The following SYT1 variants were observed in gnomAD, a reference collection of about 807,000 sequenced individuals.
SYT1 encodes the protein synaptotagmin-1.
In SYT1, 8 loss-of-function variants were observed where a neutral mutation model predicts 44.8. The ratio of observed to expected loss-of-function variants is 0.18; its 90% CI spans 0.10 to 0.32. The LOEUF (loss-of-function observed/expected upper bound fraction) is 0.32, where lower values mean the gene tolerates loss of function less well. Ranked by LOEUF, SYT1 falls within the 10% of genes least tolerant of loss-of-function variation. The pLI, the probability that SYT1 is intolerant of heterozygous loss-of-function variation, is 1.00. For missense variants in SYT1, 286 were observed against 509.3 expected (o/e 0.56, Z 4.22); for synonymous variants, 154 against 188.8 (o/e 0.82, Z 1.51).
intron 3 of SYT1, among the ~76,000 whole-genome samples, chr12:79,117,221 C>A (rs1427938460): frequency 6.6e-6 from 1 of 152,058 alleles, no homozygotes; most frequent in Non-Finnish European, 1.5e-5. Context: ...TGTAAAAGGT[C>A]TGTTTACATT....
chr12:79,238,506 A>T (rs1189640876), intron 4 of SYT1, among the ~76,000 whole-genome samples: 2 of 152,210 alleles, frequency 1.3e-5, no homozygotes, highest in Non-Finnish European at 2.9e-5. Flanking sequence ...GAAGTTAAGA[A>T]GTGAGGAAAC....
intron 3 of SYT1, among the ~76,000 whole-genome samples, chr12:79,142,669 A>G (rs1032397143): frequency 2.6e-5 from 4 of 152,238 alleles, no homozygotes; most frequent in Non-Finnish European, 4.4e-5. Flanking sequence ...AATGAGGAGA[A>G]ATAAACTCTA....
chr12:78,934,128 GTA>G (rs1373423528), intron 1 of SYT1, among the ~76,000 whole-genome samples: 2 of 151,070 alleles, frequency 1.3e-5, no homozygotes, highest in African/African-American at 4.9e-5. Context: ...ATATGTGTGT[GTA>G]TATATGTGTG....
chr12:79,280,190 T>C, intron 4 of SYT1, among the ~76,000 whole-genome samples: 1 of 151,448 alleles, frequency 6.6e-6, no homozygotes, highest in East Asian at 1.9e-4. Context: ...GCCTAAGCAA[T>C]CCTAAACAAA....
intron 3 of SYT1, among the ~76,000 whole-genome samples, chr12:79,103,311 G>A (rs1480678872): frequency 6.6e-6 from 1 of 151,894 alleles, no homozygotes; most frequent in Non-Finnish European, 1.5e-5. Context: ...CCTTATCTTT[G>A]GGCTTTGCAT....
At chr12:79,171,162 T>C (rs1342741213) in intron 3 of SYT1, among the ~76,000 whole-genome samples, 1 of 152,086 alleles carries the variant, frequency 6.6e-6, no homozygotes, top group African/African-American at 2.4e-5. Context: ...TAGGGTTGCA[T>C]TGGCTATTTG....
intron 9 of SYT1, among the ~76,000 whole-genome samples, chr12:79,381,294 C>A (rs540514073): frequency 6.6e-6 from 1 of 152,240 alleles, no homozygotes; most frequent in Non-Finnish European, 1.5e-5. Flanking sequence ...AACTGTACAC[C>A]TAAACTTTGT....
chr12:79,271,262 A>AT (rs1205684805), intron 4 of SYT1, among the ~76,000 whole-genome samples: 4 of 152,160 alleles, frequency 2.6e-5, no homozygotes, highest in Non-Finnish European at 5.9e-5. Flanking sequence ...TAAGTAAATA[A>AT]TTTTTTAAAA....
chr12:79,016,478 T>C lies in SYT1; in HGVS notation c.-83-30819T>C, dbSNP rs190094461. On this transcript the variant is annotated intron_variant, in intron 2 of 10. Coordinates refer to ENST00000261205, the MANE Select transcript of SYT1 (RefSeq NM_005639.3). ...ACATTGTTGCATTGTTATTTATAAA[T>C]TGGGGAGGGAGAGCAACTTAAACTA... Among the ~76,000 whole-genome samples, 7 of 152,270 alleles carry C rather than the reference T, an allele frequency of 4.6e-5. 1 individual carries two copies. Among genetic ancestry groups the C allele is most frequent in the East Asian group, 3.9e-4 (2 of 5,180 alleles).
At chr12:78,889,691 T>C (rs1874941929) in intron 1 of SYT1, among the ~76,000 whole-genome samples, 1 of 151,914 alleles carries the variant, frequency 6.6e-6, no homozygotes. Flanking sequence ...TTATTGAACA[T>C]GTGAGATATT....
At chr12:79,027,813 A>G (rs1872622369) in intron 2 of SYT1, among the ~76,000 whole-genome samples, 1 of 151,614 alleles carries the variant, frequency 6.6e-6, no homozygotes. Context: ...ATAGCACCAC[A>G]TCAATTATCT....
intron 1 of SYT1, among the ~76,000 whole-genome samples, chr12:78,969,605 G>T (rs533778219): frequency 3.4e-4 from 52 of 152,160 alleles, no homozygotes; most frequent in Non-Finnish European, 5.9e-4. Context: ...GGAAGGAGTA[G>T]CTTGGATTGG....
chr12:78,958,881 C>CT (rs146563878), intron 1 of SYT1, among the ~76,000 whole-genome samples: 6 of 151,154 alleles, frequency 4.0e-5, no homozygotes, highest in African/African-American at 9.7e-5. Flanking sequence ...TACAAGTCTA[C>CT]TTTTTTTTTG....
chr12:79,035,447 A>G (rs527388283), intron 2 of SYT1, among the ~76,000 whole-genome samples: 9 of 151,828 alleles, frequency 5.9e-5, no homozygotes, highest in African/African-American at 2.2e-4. Context: ...CCTTTTTATG[A>G]AGCCAACAAT....
chr12:79,039,377 G>A (rs1873358428), intron 2 of SYT1, among the ~76,000 whole-genome samples: 1 of 151,926 alleles, frequency 6.6e-6, no homozygotes, highest in South Asian at 2.1e-4. Context: ...AATTATCTGA[G>A]TCAGTTAATA....
intron 2 of SYT1, among the ~76,000 whole-genome samples, chr12:79,017,662 G>T (rs377680827): frequency 6.6e-6 from 1 of 152,038 alleles, no homozygotes; most frequent in African/African-American, 2.4e-5. Context: ...GGAGGAAGAG[G>T]TTGGAAATAT....
At chr12:78,943,753 C>G (rs1049130784) in intron 1 of SYT1, among the ~76,000 whole-genome samples, 1 of 152,290 alleles carries the variant, frequency 6.6e-6, no homozygotes, top group Admixed American at 6.5e-5. Flanking sequence ...TACCATGTTA[C>G]AATGCCATGA....
chr12:79,206,159 AAAAT>A (rs1318116402), intron 3 of SYT1, among the ~76,000 whole-genome samples: 21 of 152,376 alleles, frequency 1.4e-4, no homozygotes, highest in Middle Eastern at 3.4e-3. Flanking sequence ...AAATAAAAGC[AAAAT>A]AAATTGGTTA....
At position 79,305,054 on chromosome 12, in the gene SYT1, C is replaced by A. The variant is rs151000239; in HGVS notation, c.810+5503C>A. 7.2e-3 allele frequency among the ~76,000 whole-genome samples: 1,101 copies of A among 152,212 alleles called. 14 individuals carry two copies. Among genetic ancestry groups the A allele is most frequent in the African/African-American group, 0.025 (1,050 of 41,534 alleles). ...TCTTATGTATAATAAATGTTATCCA[C>A]TTCGTGATGTGGTTTCCAAGAACAT... On this transcript the variant is annotated intron_variant, in intron 8 of 10. Coordinates refer to ENST00000261205, the MANE Select transcript of SYT1 (RefSeq NM_005639.3).
Sources: gnomAD v4.1 joint callset for allele counts (sites outside exome capture counted in the v4.1 genomes callset) on GRCh38, gnomAD v4.1.1 for gene constraint, MANE v1.5 for transcripts, NCBI Gene and HGNC (gene_info 2026-07-23, HGNC 2026-07-21) for gene names.